PARD3B: variants seen among roughly 807,000 people sequenced by gnomAD.
PARD3B encodes par-3 family cell polarity regulator beta, also known as partitioning defective 3 homolog B.
A neutral mutation model predicts 130.2 loss-of-function variants in PARD3B; 103 were observed. That is an observed-to-expected ratio of 0.79 (90% CI 0.67 to 0.93). The LOEUF (loss-of-function observed/expected upper bound fraction) is 0.93, where lower values mean the gene tolerates loss of function less well. Ranked by LOEUF, PARD3B falls within the 40% of genes least tolerant of loss-of-function variation. The probability of loss-of-function intolerance (pLI) is 0.00; values close to 1 mark genes in which losing one functional copy is unlikely to be tolerated. For synonymous variants in PARD3B, 583 were observed against 553.2 expected (o/e 1.05, Z -0.76); for missense variants, 1,609 against 1,499.2 (o/e 1.07, Z -1.21).
intron 20 of PARD3B, among the ~76,000 whole-genome samples, chr2:205,497,653 C>G (rs1291360695): frequency 1.3e-5 from 2 of 151,956 alleles, no homozygotes; most frequent in East Asian, 3.9e-4. Context: ...CTTTGATCCT[C>G]CTATATTTCT....
chr2:205,512,225 C>T lies in PARD3B; in HGVS notation c.3180+12194C>T, dbSNP rs550235723. Among the ~76,000 whole-genome samples, 27 of 152,208 alleles carry T rather than the reference C, an allele frequency of 1.8e-4. No homozygotes were observed. The East Asian group carries it at 4.4e-3, about 25-fold the overall frequency. On this transcript the variant is annotated intron_variant, in intron 21 of 22. Transcript: ENST00000406610. ...TAATGTCTTTGTATTTCATTCTGAG[C>T]CTTGAAATCACAGTGCTAAATTTTC...
rs376934477 is a variant in PARD3B, at chr2:205,461,765, A to G, written c.3044+21093A>G. On this transcript the variant is annotated intron_variant, in intron 20 of 22. Transcript: ENST00000406610. This position sits in a 1 kb window ranked among gnomAD's most constrained non-coding sequence, Gnocchi z 4.3. ...AATAGGTCTGGGGTGGGACCCTACA[A>G]TTTGCATTTCTAACAAGCTGCCGAA... 1.3e-5 allele frequency among the ~76,000 whole-genome samples: 2 copies of G among 152,092 alleles called. No individual in the cohort carries two copies. Among genetic ancestry groups the G allele is most frequent in the African/African-American group, 4.8e-5 (2 of 41,508 alleles).
intron 2 of PARD3B, among the ~76,000 whole-genome samples, chr2:204,942,466 C>T (rs956816918): frequency 6.6e-6 from 1 of 152,092 alleles, no homozygotes; most frequent in Admixed American, 6.5e-5. Context: ...TGAGGGACCA[C>T]AAGCATTTTT....
At chr2:204,853,039 A>C (rs923167806) in intron 2 of PARD3B, among the ~76,000 whole-genome samples, 1 of 152,208 alleles carries the variant, frequency 6.6e-6, no homozygotes, top group Non-Finnish European at 1.5e-5. Flanking sequence ...TTAGTTATCA[A>C]AATATTCATG....
At chr2:205,036,088 AC>A (rs1697844893) in intron 3 of PARD3B, among the ~76,000 whole-genome samples, 1 of 146,218 alleles carries the variant, frequency 6.8e-6, no homozygotes, top group Admixed American at 7.0e-5. Flanking sequence ...CATTTTTCCA[AC>A]ACCCACTGTG....
Position 205,343,857 on chromosome 2 carries a change from A to C in PARD3B, c.2630+42156A>C, listed in dbSNP as rs565573724. ...ACCCTCACCCCCTATGCCTGACCCT[A>C]CTCCTCACACCTGCTTTGGCCCCAT... is the stretch of plus-strand genomic sequence containing the variant. On this transcript the variant is annotated intron_variant, in intron 18 of 22. Transcript: ENST00000406610. 5.4e-5 allele frequency among the ~76,000 whole-genome samples: 8 copies of C among 149,436 alleles called. No individual in the cohort carries two copies. The South Asian group carries it at 1.7e-3, about 32-fold the overall frequency.
chr2:204,965,173 C>G lies in PARD3B; in HGVS notation c.244C>G (p.Gln82Glu). 1 of 1,613,542 alleles carries G rather than the reference C, an allele frequency of 6.2e-7. No individual in the cohort carries two copies. Among genetic ancestry groups the G allele is most frequent in the Non-Finnish European group, 8.5e-7 (1 of 1,179,716 alleles). The change falls in exon 3 of 23, where the codon CAA becomes GAA. Residue 82 changes from glutamine (Q) to glutamate (E), a missense_variant. By Grantham distance (29) the Gln-to-Glu change is conservative (BLOSUM62 2). Coordinates refer to ENST00000406610, the MANE Select transcript of PARD3B (RefSeq NM_001302769.2). ...KDKLIAVFEE[Q>E]EPLHKIESPS... ...GTAGCTGATTGCTGTGTTTGAAGAA[C>G]AAGAACCACTCCACAAGATTGAGAG...
intron 2 of PARD3B, among the ~76,000 whole-genome samples, chr2:204,843,323 G>C (rs2044324571): frequency 6.6e-6 from 1 of 152,074 alleles, no homozygotes; most frequent in Non-Finnish European, 1.5e-5. Flanking sequence ...CATGAGTCAT[G>C]GTATATCTAT....
chr2:205,380,340 A>AATAT (rs1202316313), intron 18 of PARD3B, among the ~76,000 whole-genome samples: 1 of 16,940 alleles, frequency 5.9e-5, no homozygotes, highest in African/African-American at 2.6e-4. Flanking sequence ...ATATATAAAG[A>AATAT]ATATATAATA....
At chr2:204,570,832 A>G (rs113466412) in intron 1 of PARD3B, among the ~76,000 whole-genome samples, 3,299 of 145,844 alleles carry the variant, frequency 0.023, 62 homozygotes, top group East Asian at 0.082. Flanking sequence ...TGAGGTGTAT[A>G]AGCTGTTGCA....
intron 1 of PARD3B, among the ~76,000 whole-genome samples, chr2:204,593,551 T>C (rs2033162012): frequency 6.6e-6 from 1 of 152,210 alleles, no homozygotes; most frequent in East Asian, 1.9e-4. Flanking sequence ...ACTAATATCC[T>C]GCAACTTAAA....
At chr2:205,221,175 G>C (rs2038218563) in intron 15 of PARD3B, among the ~76,000 whole-genome samples, 2 of 152,196 alleles carry the variant, frequency 1.3e-5, no homozygotes, top group South Asian at 4.1e-4. Flanking sequence ...CATCTGTCAA[G>C]GTGAGAGCTG....
intron 22 of PARD3B, among the ~76,000 whole-genome samples, chr2:205,613,354 G>T (rs1180965454): frequency 6.6e-6 from 1 of 152,166 alleles, no homozygotes; most frequent in Non-Finnish European, 1.5e-5. Context: ...AAAATTTTTT[G>T]AGTGTATCGG....
chr2:204,913,248 A>G (rs994175306), intron 2 of PARD3B, among the ~76,000 whole-genome samples: 4 of 152,038 alleles, frequency 2.6e-5, no homozygotes, highest in African/African-American at 9.7e-5. Context: ...GTATCCCTCA[A>G]ATGTATAGAT....
chr2:205,271,377 A>G (rs72940357), intron 16 of PARD3B, among the ~76,000 whole-genome samples: 11,097 of 152,272 alleles, frequency 0.073, 494 homozygotes, highest in East Asian at 0.21. Context: ...TAATCCCCTT[A>G]TTTGAAGGAT....
chr2:205,124,476 G>T lies in PARD3B; in HGVS notation c.1305+10G>T. On this transcript the variant is annotated intron_variant, in intron 9 of 22. Coordinates refer to ENST00000406610, the MANE Select transcript of PARD3B (RefSeq NM_001302769.2). The stretch of plus-strand genomic sequence containing the variant: ...GGACAGAATTTTGGAGGTAAGAATT[G>T]GAATTAATAGTTGTATGAAAATATT... The T allele has an allele frequency of 1.3e-6, 2 of 1,555,930 alleles. No homozygotes were observed. The highest frequency in any genetic ancestry group is 1.8e-5 in the Admixed American group (1 of 54,612).
chr2:204,914,500 C>T (rs2047368872), intron 2 of PARD3B, among the ~76,000 whole-genome samples: 1 of 152,074 alleles, frequency 6.6e-6, no homozygotes, highest in Admixed American at 6.5e-5. Flanking sequence ...ATAAGTAAAT[C>T]TGCTGATGGA....
At chr2:205,005,665 G>A (rs1695203852) in intron 3 of PARD3B, among the ~76,000 whole-genome samples, 1 of 152,058 alleles carries the variant, frequency 6.6e-6, no homozygotes, top group South Asian at 2.1e-4. Flanking sequence ...TATGGTGAAG[G>A]TAATGTAGGT....
intron 15 of PARD3B, among the ~76,000 whole-genome samples, chr2:205,231,611 A>G (rs902039854): frequency 9.3e-5 from 14 of 151,276 alleles, no homozygotes; most frequent in Middle Eastern, 3.2e-3. Flanking sequence ...TACTGGTATT[A>G]CAGATGTGAA....
Sources: allele counts gnomAD v4.1 joint callset (sites outside exome capture counted in the v4.1 genomes callset), GRCh38; gene constraint gnomAD v4.1.1; non-coding constraint Gnocchi (gnomAD v3.1); transcripts MANE v1.5; gene names NCBI Gene and HGNC (gene_info 2026-07-23, HGNC 2026-07-21).